Variants in TMEM170A observed in about 807,000 individuals in gnomAD.
TMEM170A encodes transmembrane protein 170.
TMEM170A carries 18 observed loss-of-function variants against 12.8 expected under a neutral mutation model. That is an observed-to-expected ratio of 1.41 (90% CI 0.97 to 2.09). TMEM170A has a LOEUF of 2.09. TMEM170A is among the 30% of genes most tolerant of loss of function. The pLI is 0.00. For missense variants in TMEM170A, 220 were observed against 179.9 expected, an observed-to-expected ratio of 1.22 and a Z score of -1.28; for synonymous variants, 107 against 76.2, an observed-to-expected ratio of 1.40 and a Z score of -2.11.
rs1555570646 is a variant in TMEM170A at position 75,443,161 on chromosome 16, TA to T, written c.*4396del. The T allele has an allele frequency of 6.6e-6, 1 of 152,158 alleles. No individual in the cohort carries two copies. Among genetic ancestry groups the T allele is most frequent in the Non-Finnish European group, 1.5e-5 (1 of 68,028 alleles). The allele number at this position is 152,158 out of a possible 1,614,324, so 9.4% of individuals were successfully genotyped here. ...TACACATGCTAGATATTAAGTTATT[TA>T]AAAAATGAAAACTGAAGTCAATTTT... On this transcript the variant is annotated 3_prime_UTR_variant, in exon 3 of 3. Transcript: ENST00000561878.
rs2079962052 is a variant in TMEM170A at position 75,464,434 on chromosome 16, G to A, written c.133+34C>T. On this transcript the variant is annotated intron_variant, in intron 1 of 2. Transcript: ENST00000561878. ...CACAGCACGGCAGCGGCGACGGCGG[G>A]GCGCGCAGTGCGCAGGCGCGGGGCG... The A allele has an allele frequency of 2.1e-6, 3 of 1,407,766 alleles. No individual in the cohort carries two copies. In the South Asian group the frequency reaches 4.7e-5, roughly 22 times the overall value. The allele number at this position is 1,407,766 out of a possible 1,614,324, so 87.2% of individuals were successfully genotyped here.
chr16:75,453,350 C>T (rs1306667841), intron 1 of TMEM170A, among the ~76,000 whole-genome samples: 1 of 152,180 alleles, frequency 6.6e-6, no homozygotes, highest in African/African-American at 2.4e-5. Flanking sequence ...GGGAGGATTG[C>T]TTGAGCCTGG....
intron 1 of TMEM170A, among the ~76,000 whole-genome samples, chr16:75,463,832 G>A (rs896869316): frequency 1.3e-5 from 2 of 152,248 alleles, no homozygotes; most frequent in Non-Finnish European, 2.9e-5. Context: ...AGCCGCAGCG[G>A]GGAGGAAGAG....
chr16:75,459,706 A>G (rs1386251213), intron 1 of TMEM170A, among the ~76,000 whole-genome samples: 1 of 151,950 alleles, frequency 6.6e-6, no homozygotes, highest in African/African-American at 2.4e-5. Flanking sequence ...AAACTACAAA[A>G]TTTAGCCGGG....
chr16:75,463,365 G>A (rs916001620), intron 1 of TMEM170A, among the ~76,000 whole-genome samples: 1 of 151,434 alleles, frequency 6.6e-6, no homozygotes, highest in African/African-American at 2.4e-5. Flanking sequence ...TCTCATTTCA[G>A]GAATGACCAC....
At chr16:75,464,060 G>A (rs867718980) in intron 1 of TMEM170A, among the ~76,000 whole-genome samples, 1 of 152,234 alleles carries the variant, frequency 6.6e-6, no homozygotes, top group African/African-American at 2.4e-5. Context: ...CAGCGCGGCC[G>A]GGCCGCTCCG....
Position 75,464,467 on chromosome 16 carries a change from C to G in TMEM170A, c.133+1G>C, listed in dbSNP as rs764477818. The G allele has an allele frequency of 6.0e-6, 9 of 1,508,054 alleles. No individual in the cohort carries two copies. The highest frequency in any genetic ancestry group is 7.9e-6 in the Non-Finnish European group (9 of 1,132,512). 93.4% of individuals were successfully genotyped at this position (1,508,054 alleles called of 1,614,324 possible). A position where few individuals can be genotyped will look rare whatever the true frequency, so the allele number is the denominator to read the frequency against. On this transcript the variant is annotated splice_donor_variant, in intron 1 of 2. Transcript: ENST00000561878. LOFTEE classifies it high-confidence loss of function. ...GTGCGCAGGCGCGGGGCGGGCCGTA[C>G]CTGGGAAGGAGCAGAGGGAAGTAGA...
At chr16:75,451,232 G>A (rs2079675072) in intron 2 of TMEM170A, among the ~76,000 whole-genome samples, 1 of 105,814 alleles carries the variant, frequency 9.5e-6, no homozygotes, top group Admixed American at 1.2e-4. Flanking sequence ...AGGACCTTGG[G>A]GGTGGAAAAA....
In TMEM170A at chr16:75,464,506, G is replaced by A. The variant is rs2079964061; in HGVS notation, c.95C>T (p.Thr32Ile). 2.5e-6 allele frequency: 4 copies of A among 1,584,320 alleles called. No homozygotes were observed. The highest frequency in any genetic ancestry group is 3.4e-6 in the Non-Finnish European group (4 of 1,168,074). ...GAGGGAAGTAGAGTTGGGGCACAGG[G>A]TCCCGTTGCCCACCCGCGGCACAAC... is the stretch of plus-strand genomic sequence containing the variant. ...LKVVPRVGNG[T>I]LCPNSTSLCS... The change falls in exon 1 of 3, where the codon ACC becomes ATC. Residue 32 changes from threonine to isoleucine, a missense_variant. Coordinates refer to ENST00000561878, the MANE Select transcript of TMEM170A (RefSeq NM_145254.3).
chr16:75,453,353 G>A (rs564427489), intron 1 of TMEM170A, among the ~76,000 whole-genome samples: 4 of 152,308 alleles, frequency 2.6e-5, no homozygotes, highest in African/African-American at 9.6e-5. Flanking sequence ...AGGATTGCTT[G>A]AGCCTGGGAG....
intron 2 of TMEM170A, among the ~76,000 whole-genome samples, chr16:75,450,176 C>A: frequency 1.1e-5 from 1 of 92,494 alleles, no homozygotes; most frequent in Admixed American, 1.1e-4. Flanking sequence ...AGGCCACTTT[C>A]TCTCAAAAAA....
At chr16:75,456,034 C>G (rs1023213874) in intron 1 of TMEM170A, among the ~76,000 whole-genome samples, 11 of 152,190 alleles carry the variant, frequency 7.2e-5, no homozygotes, top group African/African-American at 2.4e-4. Flanking sequence ...TTTTTATTCC[C>G]TTTACACAGG....
At chr16:75,460,403 C>T (rs2079882275) in intron 1 of TMEM170A, among the ~76,000 whole-genome samples, 1 of 152,208 alleles carries the variant, frequency 6.6e-6, no homozygotes, top group Non-Finnish European at 1.5e-5. Flanking sequence ...CCCTCCTCCT[C>T]TGTGCGTTGC....
chr16:75,460,033 T>G (rs1283624099), intron 1 of TMEM170A: 1 of 152,602 alleles, frequency 6.6e-6, no homozygotes, highest in Non-Finnish European at 1.5e-5. Flanking sequence ...CCCACTGAAC[T>G]ACCAACTGTA....
At chr16:75,456,248 G>A (rs2079793821) in intron 1 of TMEM170A, among the ~76,000 whole-genome samples, 1 of 151,732 alleles carries the variant, frequency 6.6e-6, no homozygotes, top group Non-Finnish European at 1.5e-5. Context: ...AATGGTTCTC[G>A]GTGAAAACAT....
Position 75,444,648 on chromosome 16 carries a change from T to G in TMEM170A, c.*2910A>C, listed in dbSNP as rs989768486. The stretch of plus-strand genomic sequence containing the variant: ...AAAAGAAAATCAAAGCTATTCCTTA[T>G]GATTCAAATAGTCTTTCCCTGAAAA... On this transcript the variant is annotated 3_prime_UTR_variant, in exon 3 of 3. Transcript: ENST00000561878. The G allele has an allele frequency of 6.6e-6, 1 of 152,126 alleles. No homozygotes were observed. Among genetic ancestry groups the G allele is most frequent in the African/African-American group, 2.4e-5 (1 of 41,436 alleles). 9.4% of individuals were successfully genotyped at this position (152,126 alleles called of 1,614,324 possible).
At position 75,447,498 on chromosome 16, in the gene TMEM170A, T is replaced by C; in HGVS notation, c.*60A>G. Reference sequence around the variant, plus strand: ...ACTAAGAAAACACTACACTCCATAATGTATTCTTTTGGAGGATTCCATAAA... The same window carrying C: ...ACTAAGAAAACACTACACTCCATAACGTATTCTTTTGGAGGATTCCATAAA... On this transcript the variant is annotated 3_prime_UTR_variant, in exon 3 of 3. Transcript: ENST00000561878. The C allele has an allele frequency of 3.2e-6, 5 of 1,549,702 alleles. No individual in the cohort carries two copies. The South Asian group carries it at 4.8e-5, about 15-fold the overall frequency.
upstream of TMEM170A, chr16:75,464,727 C>A: frequency 1.5e-6 from 2 of 1,320,214 alleles, no homozygotes; most frequent in Non-Finnish European, 2.0e-6. Context: ...ATCCCAACGG[C>A]GCTGCCAAGT....
chr16:75,456,652 T>C (rs2079803487), intron 1 of TMEM170A, among the ~76,000 whole-genome samples: 1 of 152,226 alleles, frequency 6.6e-6, no homozygotes, highest in Non-Finnish European at 1.5e-5. Context: ...TATTCCTGCC[T>C]TTCGCTGCCC....
Sources: allele counts gnomAD v4.1 joint callset (sites outside exome capture counted in the v4.1 genomes callset), GRCh38; gene constraint gnomAD v4.1.1; transcripts MANE v1.5; gene names NCBI Gene and HGNC (gene_info 2026-07-23, HGNC 2026-07-21).